The following ADCY1 variants were observed in gnomAD, a reference collection of about 807,000 sequenced individuals.
ADCY1 encodes adenylate cyclase 1, also known as adenylate cyclase type 1.
Under a neutral mutation model 105.4 loss-of-function variants are expected in ADCY1, and 28 were observed. The observed-to-expected ratio is 0.27, with a 90% CI of 0.20 to 0.36. ADCY1 has a LOEUF of 0.36. Among genes scored for constraint, ADCY1 ranks in the 10% least tolerant of loss-of-function variants. The probability of loss-of-function intolerance (pLI) is 1.00; values close to 1 mark genes in which losing one functional copy is unlikely to be tolerated. For synonymous variants in ADCY1, 655 were observed against 623.8 expected, an observed-to-expected ratio of 1.05 and a Z score of -0.75; for missense variants, 977 against 1,434.2, an observed-to-expected ratio of 0.68 and a Z score of 5.15.
chr7:45,644,812 C>T (rs773253201), intron 4 of ADCY1, among the ~76,000 whole-genome samples: 1 of 152,082 alleles, frequency 6.6e-6, no homozygotes, highest in Non-Finnish European at 1.5e-5. Flanking sequence ...CTTTTTTGAT[C>T]TCTTAAGCTT....
intron 8 of ADCY1, among the ~76,000 whole-genome samples, chr7:45,663,557 A>G (rs1408990818): frequency 4.6e-5 from 7 of 152,198 alleles, no homozygotes; most frequent in Non-Finnish European, 7.3e-5. Context: ...CGGTGGGCTC[A>G]TGCCTCTAAT....
At chr7:45,643,733 C>T (rs139813235) in intron 4 of ADCY1, among the ~76,000 whole-genome samples, 1 of 152,166 alleles carries the variant, frequency 6.6e-6, no homozygotes, top group Non-Finnish European at 1.5e-5. Flanking sequence ...CTCCCTTGCT[C>T]ACTGTTCCTC....
chr7:45,683,208 C>T (rs573891227), intron 11 of ADCY1, among the ~76,000 whole-genome samples: 18 of 152,100 alleles, frequency 1.2e-4, no homozygotes, highest in Non-Finnish European at 2.5e-4. Flanking sequence ...CATTTTTCAC[C>T]CACTTGGAGA....
At chr7:45,636,838 G>C (rs1273777873) in intron 4 of ADCY1, among the ~76,000 whole-genome samples, 1 of 152,220 alleles carries the variant, frequency 6.6e-6, no homozygotes, top group Non-Finnish European at 1.5e-5. Flanking sequence ...TCCATACCCA[G>C]CCTGTTTGTG....
chr7:45,657,639 TG>T (rs1794977980), intron 5 of ADCY1, 87 bp from the exon 6 acceptor site: 1 of 1,380,712 alleles, frequency 7.2e-7, no homozygotes, highest in Non-Finnish European at 9.9e-7. Flanking sequence ...GTTTCCCTGG[TG>T]CTCACAGCCT....
rs2461114 is a variant in ADCY1 at position 45,703,804 on chromosome 7, G to A, written c.2718+58G>A. On this transcript the variant is annotated intron_variant, in intron 16 of 19. Transcript: ENST00000297323. This position sits in a 1 kb window ranked among gnomAD's most constrained non-coding sequence, Gnocchi z 5.9. ...TGGTTGTGGTGGTGCATCCTGTTGC[G>A]TGGGCAGAGCGTGTCTCACAATATG... The A allele has an allele frequency of 1, 1,514,651 of 1,520,550 alleles. 754,533 individuals carry two copies. The highest frequency in any genetic ancestry group is 1 in the East Asian group (43,954 of 43,954). The allele number at this position is 1,520,550 out of a possible 1,614,324, so 94.2% of individuals were successfully genotyped here.
Position 45,686,487 on chromosome 7 carries a change from G to A in ADCY1, c.2328-60G>A, listed in dbSNP as rs1784676733. On this transcript the variant is annotated intron_variant, in intron 13 of 19. Transcript: ENST00000297323. The surrounding 1 kb of genome is among the most constrained non-coding windows in gnomAD (Gnocchi z 4.3). ...CTCTGAACAGTTCTTGGGTTTGGTG[G>A]CAGAGTCTTGCCCTGGAAGCTCGGC... The A allele has an allele frequency of 5.1e-6, 8 of 1,559,836 alleles. No homozygotes were observed. Among genetic ancestry groups the A allele is most frequent in the Non-Finnish European group, 7.0e-6 (8 of 1,149,824 alleles).
intron 2 of ADCY1, among the ~76,000 whole-genome samples, chr7:45,595,064 G>GT (rs1422555780): frequency 6.6e-6 from 1 of 152,190 alleles, no homozygotes; most frequent in East Asian, 1.9e-4. Flanking sequence ...TTCTAAAAGA[G>GT]TTTTTTCTTC....
intron 14 of ADCY1, among the ~76,000 whole-genome samples, chr7:45,697,259 C>T (rs1228773014): frequency 6.6e-6 from 1 of 152,144 alleles, no homozygotes; most frequent in African/African-American, 2.4e-5. Context: ...GTCTTCCCAG[C>T]CTCGGTTTCT....
chr7:45,712,024 T>TTATATTAAATATATAATTTATATAA (rs1562736169), intron 19 of ADCY1, among the ~76,000 whole-genome samples: 1 of 119,730 alleles, frequency 8.4e-6, no homozygotes, highest in Non-Finnish European at 1.6e-5. Flanking sequence ...ATTTTATATA[T>TTATATTAAATATATAATTTATATAA]TATACTAAAT....
chr7:45,664,651 T>A (rs1020903371), intron 8 of ADCY1: 10 of 567,598 alleles, frequency 1.8e-5, no homozygotes, highest in Non-Finnish European at 2.3e-5. Context: ...TGTATTTTTT[T>A]AATAAACTTG....
intron 11 of ADCY1, chr7:45,684,490 G>A (rs553027735): frequency 2.6e-4 from 40 of 152,306 alleles, no homozygotes; most frequent in African/African-American, 9.6e-4. Flanking sequence ...TCTTTTATCC[G>A]TGAAATCACT....
chr7:45,640,385 T>C (rs1794501307), intron 4 of ADCY1, among the ~76,000 whole-genome samples: 1 of 152,194 alleles, frequency 6.6e-6, no homozygotes. Context: ...AAATCATAAA[T>C]TGATACATGG....
Position 45,574,858 on chromosome 7 carries a change from G to A in ADCY1, c.315G>A (p.Leu105=), listed in dbSNP as rs1466075415. ...HPVHCVLFLA[L]LVVTNVRSLQ... is the part of the protein sequence containing the mutation. ...TGCACTGCGTCCTCTTCCTGGCGCT[G>A]CTCGTGGTAACCAACGTCCGGTCCC... is the stretch of plus-strand genomic sequence containing the variant. Residue 105 remains leucine (L), a synonymous_variant, in exon 1 of 20, where the codon CTG becomes CTA. Transcript: ENST00000297323. The surrounding 1 kb of genome is among the most constrained non-coding windows in gnomAD (Gnocchi z 7.0). 1 of 1,611,512 alleles carries A rather than the reference G, an allele frequency of 6.2e-7. No individual in the cohort carries two copies. The highest frequency in any genetic ancestry group is 1.3e-5 in the African/African-American group (1 of 74,994).
At chr7:45,688,336 A>T (rs896917265) in intron 14 of ADCY1, among the ~76,000 whole-genome samples, 7 of 152,222 alleles carry the variant, frequency 4.6e-5, no homozygotes, top group Non-Finnish European at 1.0e-4. Context: ...TGTGCAAAGT[A>T]GGTGCTCGGT....
chr7:45,639,784 G>T (rs893819012), intron 4 of ADCY1, among the ~76,000 whole-genome samples: 7 of 152,180 alleles, frequency 4.6e-5, no homozygotes, highest in African/African-American at 1.7e-4. Flanking sequence ...AGAGTAGACT[G>T]GTCAGTGTGG....
intron 3 of ADCY1, among the ~76,000 whole-genome samples, chr7:45,619,810 C>A (rs145123825): frequency 6.6e-6 from 1 of 152,150 alleles, no homozygotes; most frequent in African/African-American, 2.4e-5. Context: ...ATCTAACATG[C>A]GGCATGGTCA....
chr7:45,712,040 T>A (rs191545996), intron 19 of ADCY1, among the ~76,000 whole-genome samples: 18,021 of 125,592 alleles, frequency 0.14, 1,812 homozygotes, highest in Non-Finnish European at 0.2. Flanking sequence ...TAAATATATA[T>A]TTTATATAAT....
intron 1 of ADCY1, among the ~76,000 whole-genome samples, chr7:45,582,770 C>T (rs999643119): frequency 6.6e-6 from 1 of 152,184 alleles, no homozygotes; most frequent in Non-Finnish European, 1.5e-5. Context: ...CATCTGTCCT[C>T]CTACCCCATG....
Sources: gnomAD v4.1 joint callset for allele counts (sites outside exome capture counted in the v4.1 genomes callset) on GRCh38, gnomAD v4.1.1 for gene constraint, Gnocchi (gnomAD v3.1) non-coding constraint, MANE v1.5 for transcripts, NCBI Gene and HGNC (gene_info 2026-07-23, HGNC 2026-07-21) for gene names.